The following TRDN variants were observed in gnomAD, a reference collection of about 807,000 sequenced individuals.
TRDN encodes the protein triadin, also known as triadin in skeletal muscle.
A neutral mutation model predicts 149.7 loss-of-function variants in TRDN; 161 were observed. The observed-to-expected ratio is 1.08, with a 90% CI of 0.95 to 1.23. TRDN has a LOEUF of 1.23. TRDN is among the 50% of genes most tolerant of loss of function. The probability of loss-of-function intolerance (pLI) is 0.00; values close to 1 mark genes in which losing one functional copy is unlikely to be tolerated. For synonymous variants in TRDN, 294 were observed against 250.5 expected (o/e 1.17, Z -1.64); for missense variants, 896 against 823.5 (o/e 1.09, Z -1.08).
chr6:123,416,915 C>G (rs911082137), intron 12 of TRDN, among the ~76,000 whole-genome samples: 1 of 152,118 alleles, frequency 6.6e-6, no homozygotes, highest in Non-Finnish European at 1.5e-5. Context: ...ATTGGCCAGG[C>G]TGGACTTGAG....
intron 33 of TRDN, among the ~76,000 whole-genome samples, chr6:123,263,309 A>G (rs1452168093): frequency 2.6e-5 from 4 of 152,102 alleles, no homozygotes; most frequent in Non-Finnish European, 4.4e-5. Flanking sequence ...CTTCAATTCT[A>G]TGAAGGCTGA....
intron 20 of TRDN, among the ~76,000 whole-genome samples, chr6:123,356,956 T>C (rs1449995847): frequency 6.6e-6 from 1 of 151,710 alleles, no homozygotes; most frequent in Non-Finnish European, 1.5e-5. Context: ...TTGTACTACT[T>C]GATTTCTAAA....
Position 123,252,397 on chromosome 6 carries a change from A to G in TRDN, c.1975+15T>C, listed in dbSNP as rs1582778926. The G allele has an allele frequency of 6.7e-7, 1 of 1,492,292 alleles. No individual in the cohort carries two copies. The allele number at this position is 1,492,292 out of a possible 1,614,324, so 92.4% of individuals were successfully genotyped here. ...GTATCAAAGAGAACTTGTCATTAATACAAACCGTACTTACTTGATACTCTT... is the reference window on the plus strand; with the variant it reads ...GTATCAAAGAGAACTTGTCATTAATGCAAACCGTACTTACTTGATACTCTT... On this transcript the variant is annotated intron_variant, in intron 38 of 40. Coordinates refer to ENST00000334268, the MANE Select transcript of TRDN (RefSeq NM_006073.4).
intron 30 of TRDN, 131 bp downstream of exon 30, chr6:123,271,008 G>T: frequency 2.4e-6 from 1 of 421,454 alleles, no homozygotes. Flanking sequence ...AGAAGTTATG[G>T]TACTGAAAGC....
At chr6:123,546,491 G>A (rs939705715) in intron 4 of TRDN, among the ~76,000 whole-genome samples, 1 of 152,056 alleles carries the variant, frequency 6.6e-6, no homozygotes, top group Admixed American at 6.6e-5. Context: ...AGAAGCCAGG[G>A]TTATCTTCCT....
intron 1 of TRDN, among the ~76,000 whole-genome samples, chr6:123,624,332 G>A (rs897939206): frequency 6.6e-6 from 1 of 152,094 alleles, no homozygotes; most frequent in African/African-American, 2.4e-5. Flanking sequence ...AGACCAACAA[G>A]ACACTTCAAA....
intron 14 of TRDN, 38 bp from the exon 15 acceptor site, chr6:123,382,185 C>T (rs1379083598): frequency 1.4e-6 from 2 of 1,405,626 alleles, no homozygotes; most frequent in South Asian, 2.8e-5. Context: ...AAAACAGATA[C>T]AATAAATCAA....
intron 1 of TRDN, among the ~76,000 whole-genome samples, chr6:123,592,262 G>GT (rs1444115732): frequency 4.6e-5 from 7 of 152,142 alleles, no homozygotes; most frequent in African/African-American, 7.2e-5. Flanking sequence ...TTTCTATCTG[G>GT]CCCCTTCACA....
chr6:123,450,363 C>G (rs1469003907), intron 10 of TRDN, among the ~76,000 whole-genome samples: 1 of 151,954 alleles, frequency 6.6e-6, no homozygotes, highest in Non-Finnish European at 1.5e-5. Flanking sequence ...TAAGGACACA[C>G]ATAAACTTAA....
At chr6:123,406,641 T>C (rs919903657) in intron 12 of TRDN, among the ~76,000 whole-genome samples, 3 of 152,068 alleles carry the variant, frequency 2.0e-5, no homozygotes, top group African/African-American at 7.2e-5. Flanking sequence ...CTGTGACTCA[T>C]TGTGATAGCC....
intron 10 of TRDN, among the ~76,000 whole-genome samples, chr6:123,453,114 A>G (rs1775889235): frequency 6.6e-6 from 1 of 152,194 alleles, no homozygotes; most frequent in Non-Finnish European, 1.5e-5. Flanking sequence ...AGATGGATAA[A>G]GGATTTAAAC....
chr6:123,393,450 C>T (rs1379913509), intron 13 of TRDN, among the ~76,000 whole-genome samples, 174 bp downstream of exon 13: 1 of 152,056 alleles, frequency 6.6e-6, no homozygotes, highest in Non-Finnish European at 1.5e-5. Context: ...CTCAGTCATG[C>T]TTGCTCCAAT....
intron 9 of TRDN, among the ~76,000 whole-genome samples, chr6:123,474,510 A>G (rs1777359068): frequency 6.6e-6 from 1 of 152,152 alleles, no homozygotes; most frequent in Non-Finnish European, 1.5e-5. Context: ...AACATTAGAC[A>G]GATCAACAGA....
intron 1 of TRDN, among the ~76,000 whole-genome samples, chr6:123,573,131 A>C (rs975525160): frequency 6.6e-6 from 1 of 152,038 alleles, no homozygotes; most frequent in African/African-American, 2.4e-5. Flanking sequence ...TTTGGGCTTC[A>C]TAGATAAGAG....
At chr6:123,447,440 C>A (rs1352033996) in intron 10 of TRDN, among the ~76,000 whole-genome samples, 1 of 152,128 alleles carries the variant, frequency 6.6e-6, no homozygotes, top group Non-Finnish European at 1.5e-5. Flanking sequence ...GAGAGACATG[C>A]AACTCCCCAT....
chr6:123,366,315 C>A, intron 19 of TRDN, 133 bp from the exon 20 acceptor site: 1 of 706,476 alleles, frequency 1.4e-6, no homozygotes. Context: ...TAGAGAAAGC[C>A]AAAATACAAA....
At chr6:123,547,194 G>C (rs796791167) in intron 4 of TRDN, 146 bp downstream of exon 4, 45 of 510,716 alleles carry the variant, frequency 8.8e-5, no homozygotes, top group African/African-American at 8.6e-4. Context: ...AAAAGAAATT[G>C]AGTATTTTTT....
At chr6:123,311,545 T>C (rs1778820610) in intron 24 of TRDN, among the ~76,000 whole-genome samples, 1 of 151,002 alleles carries the variant, frequency 6.6e-6, no homozygotes, top group Non-Finnish European at 1.5e-5. Context: ...ACAACTCTCT[T>C]GAGTTCTACA....
chr6:123,560,652 T>G (rs1781935632), intron 2 of TRDN, among the ~76,000 whole-genome samples: 1 of 152,134 alleles, frequency 6.6e-6, no homozygotes, highest in Admixed American at 6.6e-5. Context: ...CATTCCAACT[T>G]CTATCCCTCG....
Sources: allele counts gnomAD v4.1 joint callset (sites outside exome capture counted in the v4.1 genomes callset), GRCh38; gene constraint gnomAD v4.1.1; transcripts MANE v1.5; gene names NCBI Gene and HGNC (gene_info 2026-07-23, HGNC 2026-07-21).